SH3GL3: variants seen among roughly 807,000 people sequenced by gnomAD.
SH3GL3 encodes endophilin-A3.
Under a neutral mutation model 47.7 loss-of-function variants are expected in SH3GL3, and 33 were observed. That is an observed-to-expected ratio of 0.69 (90% CI 0.52 to 0.92). The LOEUF is 0.92. SH3GL3 is among the 40% of genes least tolerant of loss of function. The pLI, the probability that SH3GL3 is intolerant of heterozygous loss-of-function variation, is 0.00. For missense variants in SH3GL3, 363 were observed against 417.8 expected, an observed-to-expected ratio of 0.87 and a Z score of 1.14; for synonymous variants, 155 against 148.8, an observed-to-expected ratio of 1.04 and a Z score of -0.30.
At chr15:83,595,517 A>G (rs1293954656) in intron 8 of SH3GL3, among the ~76,000 whole-genome samples, 1 of 152,124 alleles carries the variant, frequency 6.6e-6, no homozygotes, top group African/African-American at 2.4e-5. Flanking sequence ...TAAAAAAAAA[A>G]AAAAAGAATA....
At chr15:83,468,464 A>G (rs1282656498) in intron 1 of SH3GL3, among the ~76,000 whole-genome samples, 2 of 152,278 alleles carry the variant, frequency 1.3e-5, no homozygotes, top group African/African-American at 2.4e-5. Flanking sequence ...AAATTATTCA[A>G]TCTTTCACTA....
chr15:83,514,767 C>A (rs1430826345), intron 1 of SH3GL3, among the ~76,000 whole-genome samples: 1 of 152,140 alleles, frequency 6.6e-6, no homozygotes, highest in East Asian at 1.9e-4. Flanking sequence ...GACCCCTTGA[C>A]ATTTAAGCAA....
At chr15:83,524,936 C>T (rs934553264) in intron 1 of SH3GL3, among the ~76,000 whole-genome samples, 4 of 152,080 alleles carry the variant, frequency 2.6e-5, no homozygotes, top group Non-Finnish European at 4.4e-5. Flanking sequence ...GATTCTGTGT[C>T]TTTGCCATTG....
At chr15:83,609,107 C>T (rs993695338) in intron 8 of SH3GL3, among the ~76,000 whole-genome samples, 2 of 152,128 alleles carry the variant, frequency 1.3e-5, no homozygotes, top group African/African-American at 4.8e-5. Context: ...GTCTCAATTT[C>T]GTCATCTGAC....
chr15:83,489,838 G>T (rs1158260892), intron 1 of SH3GL3, among the ~76,000 whole-genome samples: 1 of 23,952 alleles, frequency 4.2e-5, no homozygotes. Flanking sequence ...GTCAGAAGCC[G>T]ATAGATAGAT....
chr15:83,517,251 C>G (rs1165574350), intron 1 of SH3GL3, among the ~76,000 whole-genome samples: 2 of 134,226 alleles, frequency 1.5e-5, no homozygotes, highest in Non-Finnish European at 3.1e-5. Flanking sequence ...GTCGCCCAGT[C>G]TGGAGTGCAG....
Position 83,618,227 on chromosome 15 carries a change from C to G in SH3GL3, c.984C>G (p.His328Gln). The G allele has an allele frequency of 6.2e-7, 1 of 1,611,534 alleles. No individual in the cohort carries two copies. The highest frequency in any genetic ancestry group is 8.5e-7 in the Non-Finnish European group (1 of 1,177,584). Residue 328 changes from histidine (H) to glutamine (Q), a missense_variant, in exon 9 of 9, where the codon CAC (histidine) becomes CAG (glutamine). His to Gln is a conservative substitution (Grantham distance 24). Coordinates refer to ENST00000427482, the MANE Select transcript of SH3GL3 (RefSeq NM_003027.5). ...IDENWYEGMIHGESGFFPINY... is the reference protein window; with the variant it reads ...IDENWYEGMIQGESGFFPINY... ...AAAACTGGTATGAAGGAATGATACA[C>G]GGAGAATCGGGATTCTTCCCCATTA...
chr15:83,615,249 T>C (rs767324355), intron 8 of SH3GL3, among the ~76,000 whole-genome samples: 8 of 152,152 alleles, frequency 5.3e-5, no homozygotes, highest in Non-Finnish European at 8.8e-5. Context: ...TTCATGAGAA[T>C]AGCAAGGAAA....
At chr15:83,490,058 G>A (rs1242102188) in intron 1 of SH3GL3, among the ~76,000 whole-genome samples, 1 of 152,186 alleles carries the variant, frequency 6.6e-6, no homozygotes, top group African/African-American at 2.4e-5. Flanking sequence ...CATCGTTGGT[G>A]ACAGAGTTGT....
At chr15:83,521,141 A>T (rs2043184265) in intron 1 of SH3GL3, among the ~76,000 whole-genome samples, 1 of 152,198 alleles carries the variant, frequency 6.6e-6, no homozygotes, top group Non-Finnish European at 1.5e-5. Flanking sequence ...AATAATTGGT[A>T]ACCAAATGTA....
chr15:83,610,980 A>ATAT (rs1555423248), intron 8 of SH3GL3, among the ~76,000 whole-genome samples: 250 of 147,036 alleles, frequency 1.7e-3, no homozygotes, highest in Non-Finnish European at 3.2e-3. Flanking sequence ...TCAGCCAAAA[A>ATAT]ATATATATAT....
intron 8 of SH3GL3, among the ~76,000 whole-genome samples, chr15:83,605,753 A>C (rs562031302): frequency 6.6e-6 from 1 of 152,260 alleles, no homozygotes; most frequent in South Asian, 2.1e-4. Flanking sequence ...GGGAGAAACG[A>C]GTGCCTGTCC....
intron 8 of SH3GL3, among the ~76,000 whole-genome samples, chr15:83,614,408 G>C (rs1431436805): frequency 6.6e-6 from 1 of 152,166 alleles, no homozygotes; most frequent in Non-Finnish European, 1.5e-5. Flanking sequence ...GGTGGGTTCA[G>C]AGTTTCAAAG....
chr15:83,575,114 T>G (rs1368873385), intron 5 of SH3GL3, among the ~76,000 whole-genome samples: 3 of 152,146 alleles, frequency 2.0e-5, no homozygotes, highest in African/African-American at 7.2e-5. Context: ...ACAGGAGATG[T>G]TTTTGCAAAT....
chr15:83,447,720 G>A lies in SH3GL3; in HGVS notation c.45+142G>A. ...TTCCCGCCTAGGAGGGCGCGAGGGT[G>A]GGGTGAGGGGCCGCCTGCTCTCTCC... On this transcript the variant is annotated intron_variant, in intron 1 of 8. Transcript: ENST00000427482. This position sits in a 1 kb window ranked among gnomAD's most constrained non-coding sequence, Gnocchi z 5.1. 1 of 534,118 alleles carries A rather than the reference G, an allele frequency of 1.9e-6. No homozygotes were observed. The highest frequency in any genetic ancestry group is 3.1e-6 in the Non-Finnish European group (1 of 317,770). The allele number at this position is 534,118 out of a possible 1,614,324, so 33.1% of individuals were successfully genotyped here. A position where few individuals can be genotyped will look rare whatever the true frequency, so the allele number is the denominator to read the frequency against.
chr15:83,500,576 C>T (rs1205506526), intron 1 of SH3GL3, among the ~76,000 whole-genome samples: 1 of 152,232 alleles, frequency 6.6e-6, no homozygotes, highest in African/African-American at 2.4e-5. Context: ...GAGTGGCTGT[C>T]CAAGGGCTGG....
At chr15:83,531,118 C>A (rs995071388) in intron 1 of SH3GL3, among the ~76,000 whole-genome samples, 1 of 152,190 alleles carries the variant, frequency 6.6e-6, no homozygotes, top group African/African-American at 2.4e-5. Context: ...AGTTCATTTT[C>A]TTGAGCAGTA....
rs889702886 is a variant in SH3GL3, at chr15:83,448,652, C to T, written c.45+1074C>T. On this transcript the variant is annotated intron_variant, in intron 1 of 8. Coordinates refer to ENST00000427482, the MANE Select transcript of SH3GL3 (RefSeq NM_003027.5). This position sits in a 1 kb window ranked among gnomAD's most constrained non-coding sequence, Gnocchi z 4.2. The stretch of plus-strand genomic sequence containing the variant: ...TGCTAGAGCCAGGGTAGACAGATTT[C>T]ATTCAACGTCCACATTTGTGGTGAG... Among the ~76,000 whole-genome samples the T allele has an allele frequency of 6.6e-6, 1 of 152,126 alleles. No individual in the cohort carries two copies. The highest frequency in any genetic ancestry group is 2.4e-5 in the African/African-American group (1 of 41,412).
At chr15:83,526,732 G>A (rs963884463) in intron 1 of SH3GL3, among the ~76,000 whole-genome samples, 7 of 152,016 alleles carry the variant, frequency 4.6e-5, no homozygotes, top group Non-Finnish European at 1.0e-4. Flanking sequence ...TAATACTTGG[G>A]TGATGAAATA....
Sources: allele counts gnomAD v4.1 joint callset (sites outside exome capture counted in the v4.1 genomes callset), GRCh38; gene constraint gnomAD v4.1.1; non-coding constraint Gnocchi (gnomAD v3.1); transcripts MANE v1.5; gene names NCBI Gene and HGNC (gene_info 2026-07-23, HGNC 2026-07-21).